Variants in PHACTR3 observed in about 807,000 individuals in gnomAD.
PHACTR3 encodes the protein protein phosphatase 1, regulatory subunit 123.
Under a neutral mutation model 66.8 loss-of-function variants are expected in PHACTR3, and 16 were observed. The ratio of observed to expected loss-of-function variants is 0.24; its 90% CI spans 0.16 to 0.36. PHACTR3 has a LOEUF of 0.36. Ranked by LOEUF, PHACTR3 falls within the 10% of genes least tolerant of loss-of-function variation. The pLI, the probability that PHACTR3 is intolerant of heterozygous loss-of-function variation, is 1.00. For missense variants in PHACTR3, 647 were observed against 719.9 expected, an observed-to-expected ratio of 0.90 and a Z score of 1.16; for synonymous variants, 323 against 292.1, an observed-to-expected ratio of 1.11 and a Z score of -1.08.
At chr20:59,614,962 A>G (rs1295876102) in intron 1 of PHACTR3, among the ~76,000 whole-genome samples, 1 of 152,116 alleles carries the variant, frequency 6.6e-6, no homozygotes, top group Non-Finnish European at 1.5e-5. Flanking sequence ...TTTTTTGTGC[A>G]AAGCTTCTGA....
At chr20:59,804,023 A>C (rs1323227197) in intron 7 of PHACTR3, among the ~76,000 whole-genome samples, 1 of 152,200 alleles carries the variant, frequency 6.6e-6, no homozygotes, top group African/African-American at 2.4e-5. Context: ...AGATTAATTC[A>C]ATCAGTGGGT....
intron 1 of PHACTR3, among the ~76,000 whole-genome samples, chr20:59,595,349 C>T (rs567251356): frequency 3.3e-5 from 5 of 152,146 alleles, no homozygotes; most frequent in East Asian, 3.9e-4. Flanking sequence ...GTAGTCCCGG[C>T]GAATCGGGCG....
chr20:59,643,284 A>C (rs2035169852), intron 1 of PHACTR3, among the ~76,000 whole-genome samples: 1 of 152,232 alleles, frequency 6.6e-6, no homozygotes, highest in South Asian at 2.1e-4. Context: ...CACACAGCGC[A>C]CATTAAATGA....
intron 3 of PHACTR3, among the ~76,000 whole-genome samples, chr20:59,749,067 C>A (rs16983089): frequency 2.0e-5 from 3 of 152,052 alleles, no homozygotes; most frequent in Non-Finnish European, 2.9e-5. Context: ...CTTACATGTG[C>A]GAGGAAAGCT....
chr20:59,685,429 G>A (rs2036827029), intron 1 of PHACTR3, among the ~76,000 whole-genome samples: 1 of 152,140 alleles, frequency 6.6e-6, no homozygotes, highest in African/African-American at 2.4e-5. Context: ...TTGTGACCTG[G>A]TTCCTCATTT....
rs541183111 is a variant in PHACTR3 at position 59,830,629 on chromosome 20, C to A, written c.1329-5876C>A. ...CTCTGCTGGCTGAAGGTGGAAGAGA[C>A]CTGGGCTCAGCACGCCAGGTGAATA... On this transcript the variant is annotated intron_variant, in intron 8 of 12. Coordinates refer to ENST00000371015, the MANE Select transcript of PHACTR3 (RefSeq NM_080672.5). The surrounding 1 kb of genome is among the most constrained non-coding windows in gnomAD (Gnocchi z 5.8). Among the ~76,000 whole-genome samples the A allele has an allele frequency of 2.6e-5, 4 of 152,268 alleles. No homozygotes were observed. In the East Asian group the frequency reaches 7.7e-4, roughly 29 times the overall value.
chr20:59,714,091 AAATTG>A (rs1206934036), intron 1 of PHACTR3, among the ~76,000 whole-genome samples: 1 of 152,152 alleles, frequency 6.6e-6, no homozygotes, highest in African/African-American at 2.4e-5. Flanking sequence ...AAAGTTTTAA[AAATTG>A]AATTCTAGGA....
intron 1 of PHACTR3, among the ~76,000 whole-genome samples, chr20:59,729,323 ACTGTGAGGGCAGGCACTGGGT>A (rs1443714209): frequency 6.6e-6 from 1 of 152,094 alleles, no homozygotes; most frequent in Non-Finnish European, 1.5e-5. Flanking sequence ...AGGCCTCAGG[ACTGTGAGGGCAGGCACTGGGT>A]CTCAGGCCCA....
intron 8 of PHACTR3, among the ~76,000 whole-genome samples, chr20:59,808,874 G>A (rs532878177): frequency 6.6e-6 from 1 of 152,284 alleles, no homozygotes; most frequent in Admixed American, 6.5e-5. Flanking sequence ...TCCGTGGAGG[G>A]GCCGTCCCGT....
chr20:59,646,497 A>C (rs1471354821), intron 1 of PHACTR3, among the ~76,000 whole-genome samples: 1 of 152,046 alleles, frequency 6.6e-6, no homozygotes, highest in Non-Finnish European at 1.5e-5. Context: ...TGATCTACTG[A>C]AATATAGGAG....
chr20:59,748,691 T>A (rs1257484570), intron 3 of PHACTR3, among the ~76,000 whole-genome samples: 2 of 152,154 alleles, frequency 1.3e-5, no homozygotes, highest in African/African-American at 4.8e-5. Flanking sequence ...TCACAACACC[T>A]CACTGCCTCT....
intron 7 of PHACTR3, among the ~76,000 whole-genome samples, chr20:59,781,498 G>A (rs1046118810): frequency 2.0e-5 from 3 of 152,218 alleles, no homozygotes; most frequent in Non-Finnish European, 4.4e-5. Flanking sequence ...CCCCTTGTCA[G>A]GTTGTCCTGG....
chr20:59,633,052 T>C (rs902411515), intron 1 of PHACTR3, among the ~76,000 whole-genome samples: 3 of 152,130 alleles, frequency 2.0e-5, no homozygotes, highest in African/African-American at 7.2e-5. Context: ...TGGGAGTTGA[T>C]GGGGAGATGA....
chr20:59,666,091 G>A lies in PHACTR3; in HGVS notation c.118+60959G>A, dbSNP rs144570107. On this transcript the variant is annotated intron_variant, in intron 1 of 12. Coordinates refer to ENST00000371015, the MANE Select transcript of PHACTR3 (RefSeq NM_080672.5). ...TGTCCAGCTTCCATCTGCCTGTTGT[G>A]CATGCCTTGCAGGGAGGCATGGCGG... 4.7e-3 allele frequency among the ~76,000 whole-genome samples: 720 copies of A among 152,278 alleles called. 6 individuals are homozygous for A. The highest frequency in any genetic ancestry group is 5.9e-3 in the Non-Finnish European group (402 of 68,008).
rs550744692 is a variant in PHACTR3, at chr20:59,649,986, T to C, written c.118+44854T>C. 7.2e-5 allele frequency among the ~76,000 whole-genome samples: 11 copies of C among 152,290 alleles called. No individual in the cohort carries two copies. The East Asian group carries it at 2.1e-3, about 29-fold the overall frequency. On this transcript the variant is annotated intron_variant, in intron 1 of 12. Transcript: ENST00000371015. Reference sequence around the variant, plus strand: ...AGGGATTTGCTGGAAGAATTTCTTTTGGCAAATGAGCAAAAAATTTAACTA... The same window carrying C: ...AGGGATTTGCTGGAAGAATTTCTTTCGGCAAATGAGCAAAAAATTTAACTA...
chr20:59,764,428 G>A (rs1601299300), intron 4 of PHACTR3, among the ~76,000 whole-genome samples: 1 of 152,176 alleles, frequency 6.6e-6, no homozygotes, highest in African/African-American at 2.4e-5. Context: ...GGAGTGCTGA[G>A]TAGCTCTAGA....
chr20:59,757,607 A>G (rs1054401873), intron 4 of PHACTR3, among the ~76,000 whole-genome samples: 2 of 152,104 alleles, frequency 1.3e-5, no homozygotes, highest in East Asian at 1.9e-4. Context: ...GCACAAAAGC[A>G]GCGTCGGTGG....
chr20:59,634,247 C>T (rs1233874528), intron 1 of PHACTR3, among the ~76,000 whole-genome samples: 1 of 152,202 alleles, frequency 6.6e-6, no homozygotes, highest in African/African-American at 2.4e-5. Context: ...GTTGCAAGTG[C>T]AGCCTCTGAA....
intron 1 of PHACTR3, among the ~76,000 whole-genome samples, chr20:59,700,775 A>C (rs2037473733): frequency 6.6e-6 from 1 of 151,056 alleles, no homozygotes; most frequent in Non-Finnish European, 1.5e-5. Flanking sequence ...GTAGGTGCTT[A>C]CTTTTTTTGT....
Sources: gnomAD v4.1 joint callset for allele counts (sites outside exome capture counted in the v4.1 genomes callset) on GRCh38, gnomAD v4.1.1 for gene constraint, Gnocchi (gnomAD v3.1) non-coding constraint, MANE v1.5 for transcripts, NCBI Gene and HGNC (gene_info 2026-07-23, HGNC 2026-07-21) for gene names.